The following KIF5B variants were observed in gnomAD, a reference collection of about 807,000 sequenced individuals.
KIF5B encodes the protein kinesin family member 5B, also known as kinesin-1 heavy chain.
A neutral mutation model predicts 132.8 loss-of-function variants in KIF5B; 49 were observed. The observed-to-expected ratio is 0.37, with a 90% CI of 0.29 to 0.47. The LOEUF (loss-of-function observed/expected upper bound fraction) is 0.47. Among genes scored for constraint, KIF5B ranks in the 20% least tolerant of loss-of-function variants. KIF5B has a pLI of 1.00. For synonymous variants in KIF5B, 355 were observed against 369.4 expected (o/e 0.96, Z 0.45); for missense variants, 780 against 1,144.0 (o/e 0.68, Z 4.59).
At chr10:32,021,843 G>A (rs1841268163) in intron 17 of KIF5B, among the ~76,000 whole-genome samples, 1 of 152,206 alleles carries the variant, frequency 6.6e-6, no homozygotes, top group South Asian at 2.1e-4. Context: ...GTGGGGGCAT[G>A]TGCCTGTGGT....
chr10:32,055,744 A>G (rs1366995694), intron 1 of KIF5B, 104 bp downstream of exon 1: 9 of 1,435,008 alleles, frequency 6.3e-6, no homozygotes, highest in African/African-American at 1.4e-5. Context: ...AGGGCTGGGG[A>G]CACCGCCGCT....
intron 15 of KIF5B, among the ~76,000 whole-genome samples, chr10:32,023,799 A>G (rs1019334261): frequency 2.0e-5 from 3 of 152,216 alleles, no homozygotes; most frequent in Non-Finnish European, 4.4e-5. Context: ...CTGGACATCC[A>G]GATGTGAAAC....
chr10:32,021,500 G>C (rs538124520), intron 17 of KIF5B, among the ~76,000 whole-genome samples: 3 of 140,660 alleles, frequency 2.1e-5, no homozygotes, highest in Non-Finnish European at 4.7e-5. Context: ...TTTATGGTTT[G>C]TTTGGTTTTT....
At chr10:32,026,547 T>TTA (rs1554801127) in intron 15 of KIF5B, among the ~76,000 whole-genome samples, 9 of 150,566 alleles carry the variant, frequency 6.0e-5, no homozygotes, top group African/African-American at 2.2e-4. Flanking sequence ...TTTTTTTTTT[T>TTA]AATTAGAATA....
At chr10:32,012,825 C>T (rs1420088037) in intron 25 of KIF5B, among the ~76,000 whole-genome samples, 1 of 152,072 alleles carries the variant, frequency 6.6e-6, no homozygotes, top group Non-Finnish European at 1.5e-5. Context: ...TTGCCCAGCT[C>T]CCACTTCCAG....
Position 32,056,171 on chromosome 10 carries a change from T to A in KIF5B, c.-198A>T, listed in dbSNP as rs1483025426. The A allele has an allele frequency of 6.8e-6, 4 of 584,000 alleles. No homozygotes were observed. The Admixed American group carries it at 1.4e-4, about 20-fold the overall frequency. 36.2% of individuals were successfully genotyped at this position (584,000 alleles called of 1,614,324 possible). On this transcript the variant is annotated 5_prime_UTR_variant, in exon 1 of 26. Coordinates refer to ENST00000302418, the MANE Select transcript of KIF5B (RefSeq NM_004521.3). ...CGGCGCCGGCAGCCGTTAACCCTAA[T>A]GCTCACTTCCGATCCATCATGGCAG...
intron 4 of KIF5B, 120 bp downstream of exon 4, chr10:32,039,207 C>A: frequency 1.8e-6 from 1 of 543,888 alleles, no homozygotes; most frequent in Non-Finnish European, 3.2e-6. Context: ...CCTGAATGAT[C>A]TTTCAACTGT....
chr10:32,014,578 T>C (rs1029000997), intron 25 of KIF5B, among the ~76,000 whole-genome samples: 4 of 152,016 alleles, frequency 2.6e-5, no homozygotes, highest in African/African-American at 9.7e-5. Flanking sequence ...AGATAGTATA[T>C]TGTGTAGTAT....
chr10:32,052,296 G>C (rs1252651258), intron 1 of KIF5B, among the ~76,000 whole-genome samples: 1 of 152,214 alleles, frequency 6.6e-6, no homozygotes, highest in African/African-American at 2.4e-5. Flanking sequence ...GGTATGTGAT[G>C]ATGGTTCCCT....
intron 23 of KIF5B, among the ~76,000 whole-genome samples, chr10:32,017,602 C>T (rs969558271): frequency 6.6e-6 from 1 of 152,144 alleles, no homozygotes; most frequent in African/African-American, 2.4e-5. Context: ...TTTCCCTCTA[C>T]TAGGCAAAGA....
chr10:32,010,670 CTTATA>C lies in KIF5B; in HGVS notation c.*862_*866del, dbSNP rs200023252. On this transcript the variant is annotated 3_prime_UTR_variant, in exon 26 of 26. Coordinates refer to ENST00000302418, the MANE Select transcript of KIF5B (RefSeq NM_004521.3). The stretch of plus-strand genomic sequence containing the variant: ...ATGACAAATTATTACCTGTCCAATA[CTTATA>C]TTAGCTAGCAGGCTCACCAGAATAA... 2 of 152,096 alleles carry C rather than the reference CTTATA, an allele frequency of 1.3e-5. No homozygotes were observed. Among genetic ancestry groups the C allele is most frequent in the East Asian group, 3.8e-4 (2 of 5,206 alleles). 9.4% of individuals were successfully genotyped at this position (152,096 alleles called of 1,614,324 possible).
At chr10:32,030,066 T>G (rs555689722) in intron 14 of KIF5B, among the ~76,000 whole-genome samples, 2 of 152,346 alleles carry the variant, frequency 1.3e-5, no homozygotes, top group East Asian at 3.9e-4. Context: ...CAACTCTAGA[T>G]GCTGATTTCT....
chr10:32,018,847 G>A (rs1841217998), intron 20 of KIF5B, among the ~76,000 whole-genome samples: 1 of 151,936 alleles, frequency 6.6e-6, no homozygotes. Flanking sequence ...CTACAGGCAT[G>A]TACAATCAGC....
chr10:32,029,074 TA>T (rs2132595132), intron 14 of KIF5B, among the ~76,000 whole-genome samples: 1 of 152,300 alleles, frequency 6.6e-6, no homozygotes, highest in South Asian at 2.1e-4. Flanking sequence ...AGTGTTAAAG[TA>T]ATATTATCTG....
intron 9 of KIF5B, 96 bp downstream of exon 9, chr10:32,035,790 TTCTC>T (rs150931224): frequency 8.4e-5 from 105 of 1,252,872 alleles, no homozygotes; most frequent in South Asian, 1.2e-4. Flanking sequence ...CAATCTCTCT[TTCTC>T]TCTCTCTCTC....
At chr10:32,018,460 CA>C (rs747990752) in intron 21 of KIF5B, 41 bp downstream of exon 21, 3 of 1,591,794 alleles carry the variant, frequency 1.9e-6, no homozygotes, top group Non-Finnish European at 2.6e-6. Flanking sequence ...AAAAAACCCA[CA>C]AAATATTTCC....
chr10:32,014,135 G>A (rs1374540342), intron 25 of KIF5B, among the ~76,000 whole-genome samples: 2 of 152,144 alleles, frequency 1.3e-5, no homozygotes, highest in South Asian at 2.1e-4. Context: ...TACAATCAGA[G>A]TTGCTGCTAT....
rs532124757 is a variant in KIF5B at position 32,024,823 on chromosome 10, T to G, written c.1726-1787A>C. Among the ~76,000 whole-genome samples, 11 of 151,354 alleles carry G rather than the reference T, an allele frequency of 7.3e-5. No individual in the cohort carries two copies. The South Asian group carries it at 2.3e-3, about 32-fold the overall frequency. ...CAGGCGCAGTGGCTCATGCCTGTAGTACCAGCACTTTGGGAGGCTGAGGCA... is the reference window on the plus strand; with the variant it reads ...CAGGCGCAGTGGCTCATGCCTGTAGGACCAGCACTTTGGGAGGCTGAGGCA... On this transcript the variant is annotated intron_variant, in intron 15 of 25. Transcript: ENST00000302418.
intron 2 of KIF5B, among the ~76,000 whole-genome samples, chr10:32,042,030 C>A (rs1006126054): frequency 1.3e-5 from 2 of 151,990 alleles, no homozygotes; most frequent in African/African-American, 4.8e-5. Context: ...TTCTGGCTTT[C>A]GAGGATTTTG....
Sources: allele counts gnomAD v4.1 joint callset (sites outside exome capture counted in the v4.1 genomes callset), GRCh38; gene constraint gnomAD v4.1.1; transcripts MANE v1.5; gene names NCBI Gene and HGNC (gene_info 2026-07-23, HGNC 2026-07-21).